Variants in ACTL8 observed in about 807,000 individuals in gnomAD.
ACTL8 encodes the protein actin-like protein 8.
In ACTL8, 3 loss-of-function variants were observed where a neutral mutation model predicts 9.3. The observed-to-expected ratio is 0.32, with a 90% CI of 0.15 to 0.83. ACTL8 has a LOEUF of 0.83. Ranked by LOEUF, ACTL8 falls within the 40% of genes least tolerant of loss-of-function variation. ACTL8 has a pLI of 0.57. For missense variants in ACTL8, 381 were observed against 492.2 expected (o/e 0.77, Z 2.14); for synonymous variants, 224 against 205.9 (o/e 1.09, Z -0.75).
intron 1 of ACTL8, among the ~76,000 whole-genome samples, chr1:17,783,475 C>T (rs190369979): frequency 2.1e-4 from 32 of 152,038 alleles, no homozygotes; most frequent in Admixed American, 1.1e-3. Flanking sequence ...CACTTGTGCT[C>T]GCTTTGGCAG....
intron 1 of ACTL8, among the ~76,000 whole-genome samples, chr1:17,820,111 T>A (rs1434814563): frequency 1.3e-5 from 2 of 152,192 alleles, no homozygotes; most frequent in South Asian, 4.1e-4. Context: ...ACAAACAAGA[T>A]ACAGCATAGT....
rs768293838 is a variant in ACTL8, at chr1:17,826,080, C to T, written c.662C>T (p.Ala221Val). The T allele has an allele frequency of 1.9e-6, 3 of 1,607,886 alleles. No individual in the cohort carries two copies. The highest frequency in any genetic ancestry group is 3.3e-5 in the Admixed American group (2 of 60,002). The change falls in exon 3 of 3, where the codon GCC becomes GTC. Residue 221 changes from alanine to valine, a missense_variant. Physicochemically the swap from Ala to Val is moderately conservative, Grantham distance 64. Coordinates refer to ENST00000375406, the MANE Select transcript of ACTL8 (RefSeq NM_030812.3). This position sits in a 1 kb window ranked among gnomAD's most constrained non-coding sequence, Gnocchi z 4.5. ...KCYVPQNLGE[A>V]LDFRERQQSA... ...TACGTGCCGCAGAATCTGGGGGAGG[C>T]CCTGGACTTTCGTGAGAGGCAGCAG...
Position 17,826,001 on chromosome 1 carries a change from A to C in ACTL8, c.583A>C (p.Arg195=). 2 of 1,608,004 alleles carry C rather than the reference A, an allele frequency of 1.2e-6. No individual in the cohort carries two copies. Among genetic ancestry groups the C allele is most frequent in the East Asian group, 4.5e-5 (2 of 44,886 alleles). ...LKSLFKEDCD[R]RCLFQLETVA... is the part of the protein sequence containing the mutation. ...GAGTCTCTTTAAGGAAGATTGCGAT[A>C]GACGCTGCCTGTTTCAGCTGGAGAC... Residue 195 remains arginine (R), a synonymous_variant, in exon 3 of 3, where the codon AGA becomes CGA. Coordinates refer to ENST00000375406, the MANE Select transcript of ACTL8 (RefSeq NM_030812.3). This position sits in a 1 kb window ranked among gnomAD's most constrained non-coding sequence, Gnocchi z 4.5.
chr1:17,824,901 C>T (rs1490392424), intron 2 of ACTL8, among the ~76,000 whole-genome samples: 1 of 151,588 alleles, frequency 6.6e-6, no homozygotes, highest in Admixed American at 6.6e-5. Flanking sequence ...GGTGGGGGGA[C>T]AATTTTCTGA....
chr1:17,780,880 A>G (rs552830952), intron 1 of ACTL8, among the ~76,000 whole-genome samples: 2 of 152,094 alleles, frequency 1.3e-5, no homozygotes, highest in East Asian at 3.9e-4. Context: ...TGTATCCGGG[A>G]GGTTCTAAAC....
chr1:17,814,918 A>G (rs1045579169), intron 1 of ACTL8, among the ~76,000 whole-genome samples: 4 of 152,220 alleles, frequency 2.6e-5, no homozygotes, highest in Admixed American at 1.3e-4. Context: ...ATGCAGTACC[A>G]GTTTGTACCA....
rs200147694 is a variant in ACTL8 at position 17,823,310 on chromosome 1, C to T, written c.302C>T (p.Thr101Met). ...CAAGAGGTCCCCCCTGTGATCATCA[C>T]GGAGACACCCTTGAGGGAGCCTGCG... Reference protein sequence around the residue: ...REQEVPPVIITETPLREPADR... With the variant: ...REQEVPPVIIMETPLREPADR... Residue 101 changes from threonine to methionine, a missense_variant, in exon 2 of 3, where the codon ACG becomes ATG. Transcript: ENST00000375406. The surrounding 1 kb of genome is among the most constrained non-coding windows in gnomAD (Gnocchi z 5.3). 2.5e-6 allele frequency: 4 copies of T among 1,613,994 alleles called. No homozygotes were observed. The highest frequency in any genetic ancestry group is 2.2e-5 in the South Asian group (2 of 91,068).
At chr1:17,782,598 G>A (rs376473103) in intron 1 of ACTL8, among the ~76,000 whole-genome samples, 5 of 152,250 alleles carry the variant, frequency 3.3e-5, no homozygotes, top group African/African-American at 9.6e-5. Context: ...ACATTTTCAC[G>A]TGAAGAAGTG....
chr1:17,826,546 G>A lies in ACTL8; in HGVS notation c.*27G>A, dbSNP rs1176747349. The A allele has an allele frequency of 2.0e-6, 3 of 1,517,432 alleles. No homozygotes were observed. In the South Asian group the frequency reaches 4.0e-5, roughly 20 times the overall value. The allele number at this position is 1,517,432 out of a possible 1,614,324, so 94.0% of individuals were successfully genotyped here. The stretch of plus-strand genomic sequence containing the variant: ...CCTACTGGCTCACTCCTGAGAATGG[G>A]CTCCTGTTAGATGGGCACGGGCGGA... On this transcript the variant is annotated 3_prime_UTR_variant, in exon 3 of 3. Transcript: ENST00000375406. The surrounding 1 kb of genome is among the most constrained non-coding windows in gnomAD (Gnocchi z 4.5).
intron 1 of ACTL8, among the ~76,000 whole-genome samples, chr1:17,772,118 G>C (rs906320965): frequency 1.3e-5 from 2 of 152,208 alleles, no homozygotes; most frequent in Admixed American, 6.5e-5. Flanking sequence ...GCTCTGCTGG[G>C]TGTAGTCTTC....
intron 1 of ACTL8, among the ~76,000 whole-genome samples, chr1:17,762,487 C>G (rs558246702): frequency 6.6e-6 from 1 of 152,132 alleles, no homozygotes; most frequent in Non-Finnish European, 1.5e-5. Context: ...ACACCTGGGC[C>G]GGGAGCCATC....
chr1:17,764,990 C>T (rs979563719), intron 1 of ACTL8, among the ~76,000 whole-genome samples: 1 of 152,226 alleles, frequency 6.6e-6, no homozygotes, highest in African/African-American at 2.4e-5. Flanking sequence ...CAGGTAAAGC[C>T]ACCATGATGC....
chr1:17,797,675 C>T (rs1232219636), intron 1 of ACTL8, among the ~76,000 whole-genome samples: 1 of 152,150 alleles, frequency 6.6e-6, no homozygotes, highest in Non-Finnish European at 1.5e-5. Flanking sequence ...AGCCCACAGG[C>T]CTGGGTGTGG....
intron 1 of ACTL8, among the ~76,000 whole-genome samples, chr1:17,757,163 G>A (rs1284240410): frequency 6.6e-6 from 1 of 152,140 alleles, no homozygotes; most frequent in African/African-American, 2.4e-5. Flanking sequence ...TTTGAAAAAT[G>A]TGTAGATAAT....
chr1:17,769,446 A>G (rs1227857465), intron 1 of ACTL8, among the ~76,000 whole-genome samples: 1 of 152,138 alleles, frequency 6.6e-6, no homozygotes, highest in Admixed American at 6.5e-5. Context: ...ATAGTAACCC[A>G]CCTTCTAGAC....
intron 1 of ACTL8, among the ~76,000 whole-genome samples, chr1:17,780,292 AG>A (rs1410309690): frequency 6.6e-6 from 1 of 152,152 alleles, no homozygotes; most frequent in South Asian, 2.1e-4. Context: ...GGAAGACCTT[AG>A]GATGCTCTTG....
At chr1:17,783,558 T>G in intron 1 of ACTL8, among the ~76,000 whole-genome samples, 1 of 152,184 alleles carries the variant, frequency 6.6e-6, no homozygotes, top group Middle Eastern at 3.2e-3. Context: ...GAAAAGGAGT[T>G]CCATTCCTGC....
intron 1 of ACTL8, among the ~76,000 whole-genome samples, chr1:17,808,420 C>T (rs918250897): frequency 1.2e-4 from 18 of 152,282 alleles, no homozygotes; most frequent in African/African-American, 4.1e-4. Flanking sequence ...TGCTTAACTT[C>T]AGGCCACATA....
intron 1 of ACTL8, among the ~76,000 whole-genome samples, chr1:17,758,061 T>G (rs754059863): frequency 5.9e-5 from 9 of 152,180 alleles, no homozygotes; most frequent in Non-Finnish European, 1.3e-4. Context: ...GACAGAGACA[T>G]AGAGAGATCC....
Sources: gnomAD v4.1 joint callset for allele counts (sites outside exome capture counted in the v4.1 genomes callset) on GRCh38, gnomAD v4.1.1 for gene constraint, Gnocchi (gnomAD v3.1) non-coding constraint, MANE v1.5 for transcripts, NCBI Gene and HGNC (gene_info 2026-07-23, HGNC 2026-07-21) for gene names.